SUCLG2: variants seen among roughly 807,000 people sequenced by gnomAD.
SUCLG2 encodes the protein succinate-CoA ligase GDP-forming subunit beta.
A neutral mutation model predicts 47.9 loss-of-function variants in SUCLG2; 42 were observed. The ratio of observed to expected loss-of-function variants is 0.88; its 90% CI spans 0.69 to 1.14. The LOEUF is 1.14. Among genes scored for constraint, SUCLG2 ranks in the 50% most tolerant of loss-of-function variants. The pLI, the probability that SUCLG2 is intolerant of heterozygous loss-of-function variation, is 0.00. For synonymous variants in SUCLG2, 195 were observed against 197.3 expected, an observed-to-expected ratio of 0.99 and a Z score of 0.10; for missense variants, 571 against 525.9, an observed-to-expected ratio of 1.09 and a Z score of -0.84.
chr3:67,634,483 ATTAG>A (rs1239614222), intron 1 of SUCLG2, among the ~76,000 whole-genome samples: 1 of 152,200 alleles, frequency 6.6e-6, no homozygotes, highest in African/African-American at 2.4e-5. Context: ...AAAGTCAACT[ATTAG>A]TTATCTTATA....
Position 67,374,923 on chromosome 3 carries a change from A to G in SUCLG2, c.*821T>C. On this transcript the variant is annotated 3_prime_UTR_variant, in exon 11 of 11. Transcript: ENST00000307227. ...GGAGTAAGAGAGAAACGAGGAGAGAAGATAGTGATACTAAACACAATTTGA... is the reference window on the plus strand; with the variant it reads ...GGAGTAAGAGAGAAACGAGGAGAGAGGATAGTGATACTAAACACAATTTGA... 1 of 985,666 alleles carries G rather than the reference A, an allele frequency of 1.0e-6. No homozygotes were observed. The allele number at this position is 985,666 out of a possible 1,614,324, so 61.1% of individuals were successfully genotyped here.
At chr3:67,405,522 G>A (rs962130620) in intron 9 of SUCLG2, among the ~76,000 whole-genome samples, 1 of 152,054 alleles carries the variant, frequency 6.6e-6, no homozygotes, top group Non-Finnish European at 1.5e-5. Context: ...ATTTTTGGGG[G>A]ATAATAGTAG....
chr3:67,552,830 C>T (rs573878342), intron 2 of SUCLG2, among the ~76,000 whole-genome samples: 29 of 152,276 alleles, frequency 1.9e-4, no homozygotes, highest in African/African-American at 6.5e-4. Context: ...GTGTTTTATA[C>T]CTTAAATTAT....
chr3:67,360,664 G>A, exon 11 of SUCLG2: 1 of 1,518,692 alleles, frequency 6.6e-7, no homozygotes, highest in Non-Finnish European at 8.8e-7. Context: ...CACTTACTCA[G>A]ATTTTGGTGG....
At chr3:67,446,429 T>G (rs1411490488) in intron 9 of SUCLG2, among the ~76,000 whole-genome samples, 16 of 93,044 alleles carry the variant, frequency 1.7e-4, no homozygotes, top group Non-Finnish European at 3.1e-4. Flanking sequence ...TTTTTTTTTT[T>G]TTTTTTTTTT....
In SUCLG2 at chr3:67,478,368, G is replaced by A. The variant is rs1295497127; in HGVS notation, c.1062+17430C>T. Among the ~76,000 whole-genome samples the A allele has an allele frequency of 3.3e-5, 5 of 152,160 alleles. No individual in the cohort carries two copies. The East Asian group carries it at 9.6e-4, about 29-fold the overall frequency. On this transcript the variant is annotated intron_variant, in intron 9 of 10. Coordinates refer to ENST00000307227, the MANE Select transcript of SUCLG2 (RefSeq NM_003848.4). Reference sequence around the variant, plus strand: ...AAGAGATTCTGATCAACTTGCCCAAGGTCAAAAAGCCAGAAACTGGCTGAG... The same window carrying A: ...AAGAGATTCTGATCAACTTGCCCAAAGTCAAAAAGCCAGAAACTGGCTGAG...
chr3:67,516,107 A>G (rs1208269878), intron 6 of SUCLG2, among the ~76,000 whole-genome samples: 1 of 152,308 alleles, frequency 6.6e-6, no homozygotes, highest in East Asian at 1.9e-4. Context: ...CAGCAGACTG[A>G]GCAGCACCCT....
chr3:67,574,890 A>G (rs1707704748), intron 2 of SUCLG2, among the ~76,000 whole-genome samples: 1 of 152,232 alleles, frequency 6.6e-6, no homozygotes, highest in Non-Finnish European at 1.5e-5. Flanking sequence ...AAATGGGCAA[A>G]CTATATGGCC....
intron 9 of SUCLG2, among the ~76,000 whole-genome samples, chr3:67,483,042 G>A (rs1704957843): frequency 6.6e-6 from 1 of 152,088 alleles, no homozygotes; most frequent in African/African-American, 2.4e-5. Context: ...ATGGCCCTTG[G>A]GAATGCTAAT....
intron 1 of SUCLG2, among the ~76,000 whole-genome samples, chr3:67,632,399 T>C (rs887408474): frequency 6.6e-6 from 1 of 152,104 alleles, no homozygotes; most frequent in African/African-American, 2.4e-5. Context: ...GCCAGACTGG[T>C]CTTGAATGGG....
chr3:67,567,942 G>A (rs1412796335), intron 2 of SUCLG2, among the ~76,000 whole-genome samples: 9 of 152,164 alleles, frequency 5.9e-5, no homozygotes, highest in Non-Finnish European at 1.3e-4. Context: ...TGATGACAAC[G>A]CTGTTAGCCG....
intron 7 of SUCLG2, among the ~76,000 whole-genome samples, chr3:67,502,081 C>T (rs1414579575): frequency 6.6e-6 from 1 of 151,992 alleles, no homozygotes; most frequent in Non-Finnish European, 1.5e-5. Flanking sequence ...CAAATGACAT[C>T]CAAAGTGGAG....
At chr3:67,418,026 C>T (rs545156706) in intron 9 of SUCLG2, among the ~76,000 whole-genome samples, 1 of 152,172 alleles carries the variant, frequency 6.6e-6, no homozygotes, top group African/African-American at 2.4e-5. Flanking sequence ...ATGATCCTGA[C>T]TTCGAGGAGC....
At chr3:67,577,666 G>A (rs1023105647) in intron 2 of SUCLG2, among the ~76,000 whole-genome samples, 1 of 152,148 alleles carries the variant, frequency 6.6e-6, no homozygotes, top group Admixed American at 6.5e-5. Context: ...CTCTACCAGA[G>A]CCTCTGTCTT....
At chr3:67,503,665 A>G (rs757716329) in intron 7 of SUCLG2, among the ~76,000 whole-genome samples, 17 of 152,220 alleles carry the variant, frequency 1.1e-4, no homozygotes, top group Non-Finnish European at 2.4e-4. Context: ...AACAAAGGCC[A>G]TTTTTTATAC....
intron 9 of SUCLG2, among the ~76,000 whole-genome samples, chr3:67,487,418 A>G (rs1368354331): frequency 6.6e-6 from 1 of 152,090 alleles, no homozygotes; most frequent in East Asian, 1.9e-4. Flanking sequence ...AAACAAATTT[A>G]AAGACAAGAG....
chr3:67,366,431 A>T (rs1701876370), intron 10 of SUCLG2, among the ~76,000 whole-genome samples: 1 of 152,198 alleles, frequency 6.6e-6, no homozygotes, highest in Non-Finnish European at 1.5e-5. Flanking sequence ...GAGTAGTTCT[A>T]AGCATGTCTG....
chr3:67,504,244 G>A (rs1286312534), intron 7 of SUCLG2, among the ~76,000 whole-genome samples: 2 of 151,748 alleles, frequency 1.3e-5, no homozygotes, highest in East Asian at 1.9e-4. Flanking sequence ...AAATAGGTAT[G>A]GGGTGGGTAG....
chr3:67,413,062 A>G (rs1157906492), intron 9 of SUCLG2, among the ~76,000 whole-genome samples: 1 of 152,206 alleles, frequency 6.6e-6, no homozygotes, highest in East Asian at 1.9e-4. Flanking sequence ...ATTATCACAA[A>G]CATTTCTTTC....
Sources: gnomAD v4.1 joint callset for allele counts (sites outside exome capture counted in the v4.1 genomes callset) on GRCh38, gnomAD v4.1.1 for gene constraint, MANE v1.5 for transcripts, NCBI Gene and HGNC (gene_info 2026-07-23, HGNC 2026-07-21) for gene names.